The following SYTL5 variants were observed in gnomAD, a reference collection of about 807,000 sequenced individuals.
The protein encoded by SYTL5 is synaptotagmin like 5.
SYTL5 carries 34 observed loss-of-function variants against 55.9 expected under a neutral mutation model. The observed-to-expected ratio is 0.61, with a 90% CI of 0.46 to 0.81. The LOEUF (loss-of-function observed/expected upper bound fraction) is 0.81, where lower values mean the gene tolerates loss of function less well. Among genes scored for constraint, SYTL5 ranks in the 30% least tolerant of loss-of-function variants. SYTL5 has a pLI of 0.00. For missense variants in SYTL5, 637 were observed against 546.7 expected, an observed-to-expected ratio of 1.17 and a Z score of -1.65; for synonymous variants, 221 against 188.7, an observed-to-expected ratio of 1.17 and a Z score of -1.40.
At position 38,033,143 on chromosome X, in the gene SYTL5, A is replaced by AAAGG. The variant is rs749861151; in HGVS notation, c.-356-383_-356-380dup. Among the ~76,000 whole-genome samples the AAAGG allele has an allele frequency of 6.2e-4, 69 of 111,398 alleles. No individual in the cohort carries two copies. The East Asian group carries it at 0.014, about 23-fold the overall frequency. On this transcript the variant is annotated intron_variant, in intron 1 of 16. Transcript: ENST00000297875. The stretch of plus-strand genomic sequence containing the variant: ...TTTTATGCTGTGGGCCTAGTTTTGG[A>AAAGG]AAGGAAGGAAGAAAGAAGGAGGGAG...
At chrX:37,972,200 C>T in the SYTL5 span, among the ~76,000 whole-genome samples, 1 of 111,059 alleles carries the variant, frequency 9.0e-6, no homozygotes, top group African/African-American at 3.3e-5. Context: ...AGATGAAAAA[C>T]TCAGTCTCTC....
At chrX:38,024,718 G>A (rs1458359017) in intron 1 of SYTL5, among the ~76,000 whole-genome samples, 1 of 111,633 alleles carries the variant, frequency 9.0e-6, no homozygotes, top group Non-Finnish European at 1.9e-5. Flanking sequence ...GAAGTCATAA[G>A]GATTAGTTGA....
chrX:38,029,847 ATC>A (rs56842801), intron 1 of SYTL5, among the ~76,000 whole-genome samples: 46,348 of 110,800 alleles, frequency 0.42, 9,669 homozygotes, highest in African/African-American at 0.81. Flanking sequence ...TTTTAAAAAT[ATC>A]TCACACACAC....
At chrX:38,103,541 C>G (rs1374110081) in intron 10 of SYTL5, among the ~76,000 whole-genome samples, 1 of 110,033 alleles carries the variant, frequency 9.1e-6, no homozygotes, top group African/African-American at 3.3e-5. Context: ...AGTATAGACA[C>G]AAATCAGTGA....
At chrX:37,937,313 G>A in the SYTL5 span, among the ~76,000 whole-genome samples, 1 of 111,127 alleles carries the variant, frequency 9.0e-6, no homozygotes, top group African/African-American at 3.3e-5. Flanking sequence ...GCTGGCAGAA[G>A]AAGAGGGCAG....
intron 1 of SYTL5, among the ~76,000 whole-genome samples, chrX:38,032,952 T>C (rs1935000178): frequency 8.9e-6 from 1 of 111,846 alleles, no homozygotes; most frequent in African/African-American, 3.3e-5. Flanking sequence ...CTGAAACTCC[T>C]GGCCTCAAGA....
the SYTL5 span, among the ~76,000 whole-genome samples, chrX:37,895,339 A>G: frequency 9.0e-6 from 1 of 111,394 alleles, no homozygotes; most frequent in South Asian, 3.8e-4. Context: ...GGGGACAATA[A>G]TATCTACCTC....
At chrX:37,916,753 C>T in the SYTL5 span, among the ~76,000 whole-genome samples, 39 of 112,011 alleles carry the variant, frequency 3.5e-4, no homozygotes, top group African/African-American at 1.2e-3. Context: ...TAGAGAGTTA[C>T]GTATACCTAT....
intron 9 of SYTL5, 80 bp downstream of exon 9, chrX:38,096,314 G>T (rs1428174574): frequency 3.8e-6 from 2 of 526,378 alleles, no homozygotes; most frequent in East Asian, 6.9e-5. Flanking sequence ...TCACTTTTAG[G>T]TGATGATGAG....
At chrX:37,933,794 A>C in the SYTL5 span, among the ~76,000 whole-genome samples, 38 of 111,797 alleles carry the variant, frequency 3.4e-4, no homozygotes, top group Non-Finnish European at 6.4e-4. Context: ...TGCTCAAGAA[A>C]AACCTGAGAA....
chrX:38,039,592 T>C (rs7889140), intron 2 of SYTL5, among the ~76,000 whole-genome samples: 32,915 of 111,316 alleles, frequency 0.3, 6,866 homozygotes, highest in African/African-American at 0.74. Context: ...TGGTATTGAC[T>C]TGTACTTAAA....
chrX:38,025,238 G>C (rs952508082), intron 1 of SYTL5, among the ~76,000 whole-genome samples: 2 of 112,081 alleles, frequency 1.8e-5, no homozygotes, highest in Non-Finnish European at 3.8e-5. Flanking sequence ...CAGTCAAACA[G>C]GAAATTAACT....
chrX:37,927,309 A>G, the SYTL5 span, among the ~76,000 whole-genome samples: 1 of 111,936 alleles, frequency 8.9e-6, no homozygotes, highest in African/African-American at 3.2e-5. Flanking sequence ...TGTTTTGTTT[A>G]AGGCTCTCTG....
At chrX:37,964,289 C>A in the SYTL5 span, among the ~76,000 whole-genome samples, 1 of 111,847 alleles carries the variant, frequency 8.9e-6, no homozygotes. Flanking sequence ...AATTTCTCAC[C>A]CTCTAGAACT....
the SYTL5 span, among the ~76,000 whole-genome samples, chrX:37,960,534 C>T: frequency 1.5e-4 from 17 of 111,536 alleles, no homozygotes; most frequent in Non-Finnish European, 3.0e-4. Flanking sequence ...TACTTTATAA[C>T]AAGAATGGCC....
At chrX:38,071,258 T>C (rs757307361) in intron 3 of SYTL5, among the ~76,000 whole-genome samples, 1 of 111,498 alleles carries the variant, frequency 9.0e-6, no homozygotes, top group Admixed American at 9.5e-5. Context: ...TTATAAGCAT[T>C]TCAGGAGGGA....
chrX:38,068,170 G>GA (rs1483639728), intron 3 of SYTL5, among the ~76,000 whole-genome samples: 2 of 111,952 alleles, frequency 1.8e-5, no homozygotes, highest in Admixed American at 9.5e-5. Context: ...ACAAGCATAT[G>GA]AAAAAAATAT....
chrX:38,113,084 A>G (rs967459181), intron 13 of SYTL5, among the ~76,000 whole-genome samples: 3 of 112,295 alleles, frequency 2.7e-5, no homozygotes, highest in African/African-American at 9.7e-5. Context: ...TAGATCCTAC[A>G]GTGCTAAGCC....
intron 13 of SYTL5, among the ~76,000 whole-genome samples, chrX:38,116,788 CTAAT>C (rs1011343910): frequency 8.9e-6 from 1 of 112,288 alleles, no homozygotes; most frequent in Non-Finnish European, 1.9e-5. Flanking sequence ...AGGGGACTAA[CTAAT>C]GCAGCTGACT....
Sources: allele counts gnomAD v4.1 joint callset (sites outside exome capture counted in the v4.1 genomes callset), GRCh38; gene constraint gnomAD v4.1.1; transcripts MANE v1.5; gene names NCBI Gene and HGNC (gene_info 2026-07-23, HGNC 2026-07-21).